Variants in TEX26 observed in about 807,000 individuals in gnomAD.
The protein encoded by TEX26 is testis-expressed protein 26.
A neutral mutation model predicts 35.3 loss-of-function variants in TEX26; 34 were observed. That is an observed-to-expected ratio of 0.96 (90% CI 0.73 to 1.28). TEX26 has a LOEUF of 1.28. Among genes scored for constraint, TEX26 ranks in the 50% most tolerant of loss-of-function variants. The probability of loss-of-function intolerance (pLI) is 0.00; values close to 1 mark genes in which losing one functional copy is unlikely to be tolerated. For missense variants in TEX26, 371 were observed against 330.1 expected, an observed-to-expected ratio of 1.12 and a Z score of -0.96; for synonymous variants, 136 against 111.8, an observed-to-expected ratio of 1.22 and a Z score of -1.36.
chr13:30,943,511 G>A (rs1164168558), intron 2 of TEX26, among the ~76,000 whole-genome samples: 3 of 152,158 alleles, frequency 2.0e-5, no homozygotes, highest in African/African-American at 7.2e-5. Flanking sequence ...TTGAATAGAA[G>A]TGGTGAAAGT....
intron 6 of TEX26, among the ~76,000 whole-genome samples, chr13:30,971,792 T>C (rs969468623): frequency 1.3e-5 from 2 of 152,206 alleles, no homozygotes; most frequent in Non-Finnish European, 2.9e-5. Flanking sequence ...CTGTTTCCTA[T>C]TGGTAAAGAC....
At chr13:30,956,276 T>C (rs184521245) in intron 3 of TEX26, among the ~76,000 whole-genome samples, 1 of 151,330 alleles carries the variant, frequency 6.6e-6, no homozygotes, top group Admixed American at 6.6e-5. Flanking sequence ...TTTGGTTTTT[T>C]GTCCTTGCAA....
At chr13:30,943,459 T>G (rs1953588847) in intron 2 of TEX26, among the ~76,000 whole-genome samples, 1 of 152,170 alleles carries the variant, frequency 6.6e-6, no homozygotes, top group African/African-American at 2.4e-5. Flanking sequence ...CTTTATTTCT[T>G]TCTCTTGCTT....
At chr13:30,964,212 C>T (rs113293409) in intron 4 of TEX26, among the ~76,000 whole-genome samples, 5 of 152,144 alleles carry the variant, frequency 3.3e-5, no homozygotes, top group South Asian at 4.1e-4. Flanking sequence ...AGCACATGGG[C>T]GGTTTGTTTT....
intron 4 of TEX26, among the ~76,000 whole-genome samples, chr13:30,959,115 G>A (rs914842239): frequency 6.6e-6 from 1 of 152,134 alleles, no homozygotes; most frequent in Non-Finnish European, 1.5e-5. Context: ...TCCTTCAAGA[G>A]TCAGTTTATA....
At chr13:30,942,064 T>C (rs768732860) in intron 2 of TEX26, among the ~76,000 whole-genome samples, 2 of 152,338 alleles carry the variant, frequency 1.3e-5, no homozygotes, top group South Asian at 4.1e-4. Context: ...AGATCTACTG[T>C]TAGTTCCTTA....
intron 2 of TEX26, among the ~76,000 whole-genome samples, chr13:30,947,054 A>C (rs1217219839): frequency 6.6e-6 from 1 of 152,134 alleles, no homozygotes; most frequent in Non-Finnish European, 1.5e-5. Context: ...ACTTCTTTGC[A>C]ACTATTTTAG....
intron 3 of TEX26, 149 bp downstream of exon 3, chr13:30,952,974 C>T: frequency 4.2e-6 from 3 of 719,334 alleles, no homozygotes; most frequent in East Asian, 6.3e-5. Context: ...TGTCTACCTT[C>T]TCACATTTAT....
At chr13:30,947,043 T>C (rs1487551862) in intron 2 of TEX26, among the ~76,000 whole-genome samples, 2 of 152,140 alleles carry the variant, frequency 1.3e-5, no homozygotes, top group Non-Finnish European at 2.9e-5. Flanking sequence ...CATGCTATTA[T>C]ACTTCTTTGC....
intron 6 of TEX26, among the ~76,000 whole-genome samples, chr13:30,969,294 G>A (rs1456873783): frequency 6.6e-6 from 1 of 151,968 alleles, no homozygotes; most frequent in South Asian, 2.1e-4. Context: ...ACTCATTTCT[G>A]TTCTCATTTT....
At chr13:30,974,131 A>AAAATATATATATATATATAT in intron 6 of TEX26, among the ~76,000 whole-genome samples, 53 of 84,408 alleles carry the variant, frequency 6.3e-4, no homozygotes, top group Admixed American at 3.3e-3. Context: ...AAAAAAAAAA[A>AAAATATATATATATATATAT]ATATATATAT....
intron 4 of TEX26, among the ~76,000 whole-genome samples, chr13:30,959,368 T>C (rs1221680088): frequency 6.6e-6 from 1 of 152,206 alleles, no homozygotes; most frequent in Non-Finnish European, 1.5e-5. Context: ...CTCCTCTTCA[T>C]TCATGAATTT....
At chr13:30,969,177 A>C (rs1294671793) in intron 6 of TEX26, 131 bp downstream of exon 6, 1 of 877,920 alleles carries the variant, frequency 1.1e-6, no homozygotes, top group East Asian at 2.6e-5. Context: ...AAAAAAAAAA[A>C]AAACTCATAG....
rs1954832308 is a variant in TEX26 at position 30,974,901 on chromosome 13, G to T, written c.864G>T (p.Lys288Asn). ...IRTHCDTNKK[K>N]K ...CTCACTGTGACACTAACAAAAAGAA[G>T]AAATGAAAAGGGAAAATAGTACAAA... Residue 288 changes from lysine to asparagine, a missense_variant, in exon 7 of 7, where the codon AAG becomes AAT. Coordinates refer to ENST00000380473, the MANE Select transcript of TEX26 (RefSeq NM_152325.3). The T allele has an allele frequency of 1.9e-6, 3 of 1,556,904 alleles. No homozygotes were observed. Among genetic ancestry groups the T allele is most frequent in the East Asian group, 4.8e-5 (2 of 41,490 alleles).
chr13:30,955,384 C>G (rs1489934418), intron 3 of TEX26, among the ~76,000 whole-genome samples: 1 of 152,180 alleles, frequency 6.6e-6, no homozygotes, highest in Non-Finnish European at 1.5e-5. Context: ...CATACGCAAT[C>G]AACAAAATCC....
chr13:30,962,541 G>A (rs1489406106), intron 4 of TEX26, among the ~76,000 whole-genome samples: 1 of 152,194 alleles, frequency 6.6e-6, no homozygotes, highest in Non-Finnish European at 1.5e-5. Context: ...TGGGTTATTG[G>A]CCTTCCCATG....
chr13:30,939,318 G>A (rs375556250), intron 1 of TEX26, among the ~76,000 whole-genome samples: 4 of 152,288 alleles, frequency 2.6e-5, no homozygotes, highest in Admixed American at 6.5e-5. Context: ...AAGTCATTCC[G>A]TGTGTCTATA....
chr13:30,933,863 C>T (rs1953166529), intron 1 of TEX26: 1 of 152,134 alleles, frequency 6.6e-6, no homozygotes, highest in African/African-American at 2.4e-5. Flanking sequence ...CTGTTGGAGT[C>T]CCCCAGGATT....
chr13:30,935,385 G>A lies in TEX26; in HGVS notation c.61+2609G>A, dbSNP rs1953235190. On this transcript the variant is annotated intron_variant, in intron 1 of 6. Coordinates refer to ENST00000380473, the MANE Select transcript of TEX26 (RefSeq NM_152325.3). ...GGACTCATGCTGCCTCCTCCAGCCTGCGCATGGCCACCCATGGACCAATCA... is the reference window on the plus strand; with the variant it reads ...GGACTCATGCTGCCTCCTCCAGCCTACGCATGGCCACCCATGGACCAATCA... Among the ~76,000 whole-genome samples, 3 of 152,268 alleles carry A rather than the reference G, an allele frequency of 2.0e-5. No homozygotes were observed. In the South Asian group the frequency reaches 6.2e-4, roughly 32 times the overall value.
Sources: allele counts gnomAD v4.1 joint callset (sites outside exome capture counted in the v4.1 genomes callset), GRCh38; gene constraint gnomAD v4.1.1; transcripts MANE v1.5; gene names NCBI Gene and HGNC (gene_info 2026-07-23, HGNC 2026-07-21).